Variants in CFAP61 observed in about 807,000 individuals in gnomAD.
CFAP61 encodes cilia and flagella associated protein 61.
CFAP61 carries 107 observed loss-of-function variants against 135.6 expected under a neutral mutation model. The observed-to-expected ratio is 0.79, with a 90% CI of 0.67 to 0.93. The LOEUF (loss-of-function observed/expected upper bound fraction) is 0.93. Ranked by LOEUF, CFAP61 falls within the 40% of genes least tolerant of loss-of-function variation. The pLI, the probability that CFAP61 is intolerant of heterozygous loss-of-function variation, is 0.00. For synonymous variants in CFAP61, 575 were observed against 578.5 expected (o/e 0.99, Z 0.09); for missense variants, 1,507 against 1,556.2 (o/e 0.97, Z 0.53).
At chr20:20,120,747 A>G (rs1273603022) in intron 8 of CFAP61, among the ~76,000 whole-genome samples, 1 of 152,094 alleles carries the variant, frequency 6.6e-6, no homozygotes, top group Admixed American at 6.5e-5. Flanking sequence ...CCTTACTACT[A>G]TTACGTTGCA....
intron 18 of CFAP61, chr20:20,232,660 T>C (rs2049238747): frequency 6.6e-6 from 1 of 152,228 alleles, no homozygotes; most frequent in African/African-American, 2.4e-5. Flanking sequence ...CACGAGTCTC[T>C]ATGCTTCAGT....
At chr20:20,058,677 A>G (rs1264493314) in intron 2 of CFAP61, among the ~76,000 whole-genome samples, 3 of 152,328 alleles carry the variant, frequency 2.0e-5, no homozygotes, top group African/African-American at 7.2e-5. Flanking sequence ...ATAAGCACAC[A>G]CTGATTTGAG....
At chr20:20,228,518 T>A in intron 18 of CFAP61, 142 bp downstream of exon 18, 1 of 650,024 alleles carries the variant, frequency 1.5e-6, no homozygotes, top group Non-Finnish European at 2.6e-6. Context: ...GATGAATCAG[T>A]AGAAGAATAT....
intron 1 of CFAP61, among the ~76,000 whole-genome samples, chr20:20,053,234 T>A (rs1360744259): frequency 6.7e-6 from 1 of 148,938 alleles, no homozygotes; most frequent in Non-Finnish European, 1.5e-5. Flanking sequence ...GTTAAGAGAA[T>A]TTTTTTTAAT....
chr20:20,150,448 A>G (rs1275193947), intron 9 of CFAP61, among the ~76,000 whole-genome samples: 4 of 152,088 alleles, frequency 2.6e-5, no homozygotes, highest in African/African-American at 4.8e-5. Flanking sequence ...AGGCCAACCA[A>G]CTCAGGACAT....
intron 8 of CFAP61, among the ~76,000 whole-genome samples, chr20:20,116,308 C>G (rs2049136549): frequency 6.6e-6 from 1 of 151,990 alleles, no homozygotes; most frequent in Non-Finnish European, 1.5e-5. Context: ...ATTATTTGAG[C>G]TCCTTATATT....
At chr20:20,208,349 T>C (rs1434201456) in intron 17 of CFAP61, among the ~76,000 whole-genome samples, 1 of 152,210 alleles carries the variant, frequency 6.6e-6, no homozygotes, top group Non-Finnish European at 1.5e-5. Context: ...CCAATCACAA[T>C]ATATGATCTT....
intron 9 of CFAP61, among the ~76,000 whole-genome samples, chr20:20,153,946 T>A (rs6046663): frequency 0.9 from 137,193 of 152,138 alleles, 62,679 homozygotes; most frequent in Middle Eastern, 0.99. Flanking sequence ...ATGAACATAG[T>A]TGCAAAAATC....
chr20:20,296,326 C>T (rs1436495261), intron 24 of CFAP61, among the ~76,000 whole-genome samples: 7 of 34,682 alleles, frequency 2.0e-4, no homozygotes, highest in African/African-American at 5.6e-4. Context: ...CTCCTTCCTT[C>T]CCTTCCTTCC....
At chr20:20,255,406 G>T (rs2051459939) in intron 20 of CFAP61, among the ~76,000 whole-genome samples, 1 of 152,226 alleles carries the variant, frequency 6.6e-6, no homozygotes, top group African/African-American at 2.4e-5. Context: ...CTGTTCATGG[G>T]TCGGGGGTCA....
At chr20:20,341,744 A>G in intron 25 of CFAP61, 87 bp from the exon 26 acceptor site, 1 of 943,414 alleles carries the variant, frequency 1.1e-6, no homozygotes, top group Admixed American at 2.1e-5. Flanking sequence ...CAGAACTGTA[A>G]TTTATAAAGG....
intron 2 of CFAP61, among the ~76,000 whole-genome samples, chr20:20,068,293 C>T: frequency 6.6e-6 from 1 of 152,218 alleles, no homozygotes; most frequent in South Asian, 2.1e-4. Flanking sequence ...AGGGAGCACT[C>T]TCAGCTTGAG....
intron 2 of CFAP61, among the ~76,000 whole-genome samples, chr20:20,065,823 G>A (rs909076977): frequency 2.6e-5 from 4 of 152,084 alleles, no homozygotes; most frequent in African/African-American, 4.8e-5. Flanking sequence ...AGTGGCGATC[G>A]GGGGGACAGA....
chr20:20,138,879 T>G (rs761469), intron 8 of CFAP61, among the ~76,000 whole-genome samples: 137,185 of 152,154 alleles, frequency 0.9, 62,656 homozygotes, highest in Middle Eastern at 0.99. Context: ...TAACTGTCTG[T>G]GTCTATTTCT....
intron 18 of CFAP61, among the ~76,000 whole-genome samples, chr20:20,235,706 C>G (rs1330756386): frequency 6.6e-6 from 1 of 152,104 alleles, no homozygotes; most frequent in African/African-American, 2.4e-5. Context: ...AAATGATGCA[C>G]AAGAGGATTG....
chr20:20,265,614 C>T, intron 21 of CFAP61: 1 of 701,708 alleles, frequency 1.4e-6, no homozygotes, highest in Non-Finnish European at 2.6e-6. Flanking sequence ...AGTTTCCTGT[C>T]TTACATGTAG....
chr20:20,181,680 T>C lies in CFAP61; in HGVS notation c.1386-6250T>C, dbSNP rs2055111347. Among the ~76,000 whole-genome samples the C allele has an allele frequency of 2.6e-5, 4 of 152,144 alleles. No homozygotes were observed. In the South Asian group the frequency reaches 6.2e-4, roughly 24 times the overall value. On this transcript the variant is annotated intron_variant, in intron 13 of 26. Transcript: ENST00000245957. ...GGGAAGCCCTCCGGAGACCTTGCTT[T>C]TTCTGTGGATGGAAGAAGCCATGTG...
intron 17 of CFAP61, among the ~76,000 whole-genome samples, chr20:20,213,425 G>T (rs781418276): frequency 6.6e-6 from 1 of 152,088 alleles, no homozygotes; most frequent in African/African-American, 2.4e-5. Flanking sequence ...AAGCAAGCCA[G>T]TGGGCTCAGA....
At chr20:20,278,771 T>G (rs1263071185) in intron 22 of CFAP61, among the ~76,000 whole-genome samples, 5 of 152,062 alleles carry the variant, frequency 3.3e-5, no homozygotes, top group African/African-American at 7.2e-5. Context: ...AAAAGGAAGA[T>G]TTTTTTTAGA....
Sources: gnomAD v4.1 joint callset for allele counts (sites outside exome capture counted in the v4.1 genomes callset) on GRCh38, gnomAD v4.1.1 for gene constraint, MANE v1.5 for transcripts, NCBI Gene and HGNC (gene_info 2026-07-23, HGNC 2026-07-21) for gene names.